ARHGAP24: variants seen among roughly 807,000 people sequenced by gnomAD.
ARHGAP24 encodes rho GTPase-activating protein 24.
In ARHGAP24, 50 loss-of-function variants were observed where a neutral mutation model predicts 76.4. That is an observed-to-expected ratio of 0.65 (90% CI 0.52 to 0.83). ARHGAP24 has a LOEUF of 0.83. ARHGAP24 is among the 40% of genes least tolerant of loss of function. The pLI is 0.00. For missense variants in ARHGAP24, 930 were observed against 914.2 expected (o/e 1.02, Z -0.22); for synonymous variants, 345 against 323.3 (o/e 1.07, Z -0.72).
intron 3 of ARHGAP24, among the ~76,000 whole-genome samples, chr4:85,883,497 CT>C (rs1302919222): frequency 6.6e-5 from 10 of 152,108 alleles, no homozygotes; most frequent in Non-Finnish European, 1.2e-4. Flanking sequence ...AATGAACAGA[CT>C]TATTTAGGGA....
chr4:85,561,487 G>A (rs1188484042), intron 1 of ARHGAP24, among the ~76,000 whole-genome samples: 61 of 151,704 alleles, frequency 4.0e-4, no homozygotes, highest in Non-Finnish European at 2.9e-5. Flanking sequence ...GACAGAAAGT[G>A]AACTGAGAAA....
intron 5 of ARHGAP24, among the ~76,000 whole-genome samples, chr4:85,967,326 G>A: frequency 6.6e-6 from 1 of 152,052 alleles, no homozygotes. Context: ...AATAAATGTT[G>A]TTCATTTATT....
intron 3 of ARHGAP24, among the ~76,000 whole-genome samples, chr4:85,823,490 C>T (rs2110126359): frequency 6.6e-6 from 1 of 152,284 alleles, no homozygotes; most frequent in Non-Finnish European, 1.5e-5. Flanking sequence ...GCAACAGGAG[C>T]ACCAATGTTC....
intron 2 of ARHGAP24, among the ~76,000 whole-genome samples, chr4:85,673,050 T>C (rs1306853394): frequency 1.3e-5 from 2 of 152,180 alleles, no homozygotes; most frequent in Non-Finnish European, 2.9e-5. Context: ...GGCTAGTCAG[T>C]GGATGTGGCA....
chr4:85,521,508 T>C (rs1390159510), intron 1 of ARHGAP24, among the ~76,000 whole-genome samples: 1 of 96,088 alleles, frequency 1.0e-5, no homozygotes, highest in Non-Finnish European at 2.4e-5. Context: ...GTTCACATCT[T>C]TCTGTTCTCA....
At chr4:85,799,112 A>T (rs1332516474) in intron 3 of ARHGAP24, among the ~76,000 whole-genome samples, 1 of 152,184 alleles carries the variant, frequency 6.6e-6, no homozygotes, top group Non-Finnish European at 1.5e-5. Flanking sequence ...ACATGCATAT[A>T]TTTCCTAGCT....
chr4:85,636,715 C>T (rs1408097360), intron 2 of ARHGAP24, among the ~76,000 whole-genome samples: 3 of 152,004 alleles, frequency 2.0e-5, no homozygotes, highest in Admixed American at 6.6e-5. Flanking sequence ...ATCCATCAGC[C>T]TTGTGACCCA....
chr4:85,950,331 A>AC (rs983107984), intron 5 of ARHGAP24, among the ~76,000 whole-genome samples: 1 of 151,414 alleles, frequency 6.6e-6, no homozygotes, highest in African/African-American at 2.4e-5. Flanking sequence ...TCTCTACAAA[A>AC]AAAAAATCAA....
intron 2 of ARHGAP24, among the ~76,000 whole-genome samples, chr4:85,683,129 G>A (rs1451103505): frequency 2.1e-5 from 2 of 95,748 alleles, no homozygotes; most frequent in Non-Finnish European, 4.3e-5. Context: ...GGGGGGGGGT[G>A]CGGGGGCTGT....
chr4:85,897,986 C>T (rs1049826573), intron 3 of ARHGAP24, among the ~76,000 whole-genome samples: 63 of 145,024 alleles, frequency 4.3e-4, no homozygotes, highest in African/African-American at 6.6e-4. Context: ...CTAATACACA[C>T]ATATATATAT....
At chr4:85,802,059 T>G (rs1453492692) in intron 3 of ARHGAP24, among the ~76,000 whole-genome samples, 1 of 152,248 alleles carries the variant, frequency 6.6e-6, no homozygotes, top group Non-Finnish European at 1.5e-5. Context: ...CTAAGCTATT[T>G]TATAATGAAG....
At chr4:85,847,580 C>T (rs1171550269) in intron 3 of ARHGAP24, among the ~76,000 whole-genome samples, 1 of 152,036 alleles carries the variant, frequency 6.6e-6, no homozygotes, top group Non-Finnish European at 1.5e-5. Context: ...GAGCAAAGGC[C>T]TAAGGAAGGC....
chr4:85,701,797 G>A lies in ARHGAP24; in HGVS notation c.181-20088G>A, dbSNP rs149220918. On this transcript the variant is annotated intron_variant, in intron 2 of 9. Transcript: ENST00000395184. ...GACATCAAGATTCATATATAGATAT[G>A]TGTGTACTATGTGTGTTTGTATAAT... Among the ~76,000 whole-genome samples the A allele has an allele frequency of 2.1e-4, 32 of 152,230 alleles. No individual in the cohort carries two copies. In the East Asian group the frequency reaches 3.7e-3, roughly 17 times the overall value.
chr4:85,868,001 T>G (rs1279752615), intron 3 of ARHGAP24, among the ~76,000 whole-genome samples: 1 of 151,438 alleles, frequency 6.6e-6, no homozygotes, highest in Non-Finnish European at 1.5e-5. Flanking sequence ...GATCATGACC[T>G]GTGACACAGC....
At chr4:85,639,328 AT>A (rs1269924959) in intron 2 of ARHGAP24, among the ~76,000 whole-genome samples, 1 of 152,040 alleles carries the variant, frequency 6.6e-6, no homozygotes, top group African/African-American at 2.4e-5. Flanking sequence ...ATCTCAGTGC[AT>A]TTTTTTAGCC....
intron 3 of ARHGAP24, among the ~76,000 whole-genome samples, chr4:85,909,530 A>C (rs1001730118): frequency 4.6e-5 from 7 of 152,156 alleles, no homozygotes; most frequent in African/African-American, 1.4e-4. Context: ...TTTGGACTTT[A>C]GCCAAATTTA....
At chr4:85,943,081 A>G (rs1737044493) in intron 5 of ARHGAP24, among the ~76,000 whole-genome samples, 2 of 152,144 alleles carry the variant, frequency 1.3e-5, no homozygotes, top group South Asian at 4.1e-4. Context: ...CTATTTCAAT[A>G]TTGTTAGACA....
intron 1 of ARHGAP24, among the ~76,000 whole-genome samples, chr4:85,511,004 T>G (rs1439578590): frequency 6.6e-6 from 1 of 152,204 alleles, no homozygotes; most frequent in African/African-American, 2.4e-5. Flanking sequence ...GGAGTTCTTA[T>G]AGTATGGTAA....
chr4:85,624,570 A>G (rs1369597513), intron 2 of ARHGAP24, among the ~76,000 whole-genome samples: 1 of 152,114 alleles, frequency 6.6e-6, no homozygotes, highest in Non-Finnish European at 1.5e-5. Flanking sequence ...GTCTCTGCCC[A>G]GCTTTGGTAT....
Sources: gnomAD v4.1 joint callset for allele counts (sites outside exome capture counted in the v4.1 genomes callset) on GRCh38, gnomAD v4.1.1 for gene constraint, MANE v1.5 for transcripts, NCBI Gene and HGNC (gene_info 2026-07-23, HGNC 2026-07-21) for gene names.